ARHGAP24: variants seen among roughly 807,000 people sequenced by gnomAD.
ARHGAP24 encodes rho GTPase-activating protein 24.
Under a neutral mutation model 76.4 loss-of-function variants are expected in ARHGAP24, and 50 were observed. The ratio of observed to expected loss-of-function variants is 0.65; its 90% CI spans 0.52 to 0.83. The LOEUF is 0.83. Ranked by LOEUF, ARHGAP24 falls within the 40% of genes least tolerant of loss-of-function variation. ARHGAP24 has a pLI of 0.00. For synonymous variants in ARHGAP24, 345 were observed against 323.3 expected (o/e 1.07, Z -0.72); for missense variants, 930 against 914.2 (o/e 1.02, Z -0.22).
At chr4:85,669,034 G>A (rs554078859) in intron 2 of ARHGAP24, among the ~76,000 whole-genome samples, 162 of 152,236 alleles carry the variant, frequency 1.1e-3, no homozygotes, top group African/African-American at 3.7e-3. Context: ...GTGTGTGTGT[G>A]TGATTCTCTG....
chr4:85,754,008 A>G (rs1460506216), intron 3 of ARHGAP24, among the ~76,000 whole-genome samples: 2 of 152,188 alleles, frequency 1.3e-5, no homozygotes, highest in Non-Finnish European at 2.9e-5. Flanking sequence ...GAATACTAGA[A>G]CTTATTTTTT....
chr4:85,594,013 A>T (rs1161988052), intron 2 of ARHGAP24, among the ~76,000 whole-genome samples: 1 of 151,730 alleles, frequency 6.6e-6, no homozygotes, highest in Non-Finnish European at 1.5e-5. Context: ...TTTTATAGGG[A>T]TTGCATTGAA....
At chr4:85,485,413 A>C (rs1370169873) in intron 1 of ARHGAP24, among the ~76,000 whole-genome samples, 12 of 97,348 alleles carry the variant, frequency 1.2e-4, no homozygotes, top group South Asian at 3.8e-4. Context: ...ATATATATAT[A>C]TCTCCTTGGA....
chr4:85,511,663 C>G (rs756897451), intron 1 of ARHGAP24, among the ~76,000 whole-genome samples: 2 of 152,048 alleles, frequency 1.3e-5, no homozygotes, highest in African/African-American at 4.8e-5. Flanking sequence ...CAGGGTTTCT[C>G]CACATTGGTC....
At chr4:85,873,856 T>C (rs774704360) in intron 3 of ARHGAP24, among the ~76,000 whole-genome samples, 1 of 152,224 alleles carries the variant, frequency 6.6e-6, no homozygotes, top group Non-Finnish European at 1.5e-5. Flanking sequence ...ACATTTTTGA[T>C]TGTGCTACCT....
At chr4:85,826,906 TA>T (rs1209774233) in intron 3 of ARHGAP24, among the ~76,000 whole-genome samples, 4 of 152,204 alleles carry the variant, frequency 2.6e-5, no homozygotes, top group South Asian at 2.1e-4. Context: ...ATTTACCTAT[TA>T]AAAAATATAT....
chr4:85,966,420 A>G (rs574335762), intron 5 of ARHGAP24, among the ~76,000 whole-genome samples: 27 of 152,152 alleles, frequency 1.8e-4, no homozygotes, highest in Non-Finnish European at 3.5e-4. Flanking sequence ...TGGAGGTGAA[A>G]CAGTCCTTTG....
chr4:85,792,297 T>C (rs981844152), intron 3 of ARHGAP24, among the ~76,000 whole-genome samples: 2 of 152,136 alleles, frequency 1.3e-5, no homozygotes, highest in Non-Finnish European at 2.9e-5. Context: ...ATTCAGAATA[T>C]ACTGGTCCTG....
intron 5 of ARHGAP24, among the ~76,000 whole-genome samples, chr4:85,954,571 G>C (rs926345970): frequency 6.6e-6 from 1 of 152,132 alleles, no homozygotes; most frequent in Non-Finnish European, 1.5e-5. Flanking sequence ...ATCCTTGCTC[G>C]TGCTCCCTTC....
chr4:85,785,557 C>T (rs952205845), intron 3 of ARHGAP24, among the ~76,000 whole-genome samples: 1 of 151,334 alleles, frequency 6.6e-6, no homozygotes, highest in Admixed American at 6.6e-5. Context: ...TTCTTTTTAA[C>T]AATTACAAAC....
intron 5 of ARHGAP24, among the ~76,000 whole-genome samples, chr4:85,946,352 A>G (rs1437068089): frequency 6.6e-6 from 1 of 152,130 alleles, no homozygotes. Context: ...ATTTTTATTT[A>G]GAATTGCGTA....
chr4:85,774,031 C>T (rs1007985302), intron 3 of ARHGAP24, among the ~76,000 whole-genome samples: 4 of 152,114 alleles, frequency 2.6e-5, no homozygotes, highest in African/African-American at 4.8e-5. Context: ...CAAGAAATTC[C>T]CTCTCCCTGG....
intron 1 of ARHGAP24, among the ~76,000 whole-genome samples, chr4:85,484,073 T>C (rs1722926097): frequency 6.6e-6 from 1 of 152,232 alleles, no homozygotes; most frequent in African/African-American, 2.4e-5. Context: ...TGTCCAGTGT[T>C]TGTGTGACTT....
At chr4:85,609,483 A>T (rs1720311955) in intron 2 of ARHGAP24, among the ~76,000 whole-genome samples, 1 of 152,190 alleles carries the variant, frequency 6.6e-6, no homozygotes, top group South Asian at 2.1e-4. Flanking sequence ...GTAATTACTG[A>T]TTTTTAAGAC....
At chr4:85,663,319 T>C (rs1722480403) in intron 2 of ARHGAP24, among the ~76,000 whole-genome samples, 1 of 91,596 alleles carries the variant, frequency 1.1e-5, no homozygotes, top group African/African-American at 3.6e-5. Flanking sequence ...GCTCTCTGTT[T>C]GTTTGTTATT....
intron 3 of ARHGAP24, among the ~76,000 whole-genome samples, chr4:85,877,437 C>A (rs1198199252): frequency 1.3e-5 from 2 of 152,084 alleles, no homozygotes; most frequent in Non-Finnish European, 2.9e-5. Context: ...CCAGCCTGGG[C>A]AACATTGCAA....
chr4:85,995,688 G>T, intron 9 of ARHGAP24, 31 bp downstream of exon 9: 1 of 1,601,786 alleles, frequency 6.2e-7, no homozygotes, highest in South Asian at 1.1e-5. Flanking sequence ...GTAACTACCA[G>T]AGAGGGCTCA....
chr4:85,779,038 T>C, intron 3 of ARHGAP24: 5 of 939,624 alleles, frequency 5.3e-6, no homozygotes, highest in Non-Finnish European at 6.3e-6. Context: ...TCATTTGACC[T>C]TTTTTTCCTC....
intron 3 of ARHGAP24, among the ~76,000 whole-genome samples, chr4:85,865,475 AG>A (rs1732142444): frequency 6.8e-6 from 1 of 147,532 alleles, no homozygotes; most frequent in Non-Finnish European, 1.5e-5. Flanking sequence ...AATAATTAGT[AG>A]TATAAACAAA....
Sources: gnomAD v4.1 joint callset for allele counts (sites outside exome capture counted in the v4.1 genomes callset) on GRCh38, gnomAD v4.1.1 for gene constraint, MANE v1.5 for transcripts, NCBI Gene and HGNC (gene_info 2026-07-23, HGNC 2026-07-21) for gene names.